The following NR2F6 variants were observed in gnomAD, a reference collection of about 807,000 sequenced individuals.
The protein encoded by NR2F6 is nuclear receptor subfamily 2 group F member 6.
In NR2F6, 16 loss-of-function variants were observed where a neutral mutation model predicts 26.5. The ratio of observed to expected loss-of-function variants is 0.60; its 90% CI spans 0.41 to 0.92. The LOEUF (loss-of-function observed/expected upper bound fraction) is 0.92, where lower values mean the gene tolerates loss of function less well. Ranked by LOEUF, NR2F6 falls within the 40% of genes least tolerant of loss-of-function variation. The pLI, the probability that NR2F6 is intolerant of heterozygous loss-of-function variation, is 0.00. For synonymous variants in NR2F6, 325 were observed against 305.0 expected (o/e 1.07, Z -0.68); for missense variants, 536 against 631.7 (o/e 0.85, Z 1.62).
chr19:17,241,367 C>T (rs2073468342), intron 1 of NR2F6, among the ~76,000 whole-genome samples: 1 of 152,184 alleles, frequency 6.6e-6, no homozygotes, highest in Admixed American at 6.5e-5. Flanking sequence ...CCCTGAAGGC[C>T]CCACACCTAC....
chr19:17,236,503 T>A (rs2073439652), intron 2 of NR2F6, among the ~76,000 whole-genome samples: 3 of 151,980 alleles, frequency 2.0e-5, no homozygotes, highest in Non-Finnish European at 4.4e-5. Context: ...CACCCCCAGC[T>A]CCTGGGGACA....
rs371438824 is a variant in NR2F6 at position 17,232,493 on chromosome 19, G to A, written c.1074C>T (p.Pro358=). Residue 358 remains proline, a synonymous_variant, in exon 4 of 4, where the codon CCC becomes CCT. Transcript: ENST00000291442. ...GGGAGGCAGGGACCGCGCGCAGGGC[G>A]GGGAGCCGCAGCAGCAGGCGCCCGA... ...QRFGRLLLRL[P]ALRAVPASLI... 69 of 1,612,090 alleles carry A rather than the reference G, an allele frequency of 4.3e-5. 1 individual carries two copies. In the African/African-American group the frequency reaches 4.7e-4, roughly 11 times the overall value.
Position 17,232,204 on chromosome 19 carries a change from GACAA to G in NR2F6, c.*144_*147del. ...TCATGATCATTTAAAAAACAGAAAA[GACAA>G]ACATTTCACAGTCTTTAAAAAATAG... On this transcript the variant is annotated 3_prime_UTR_variant, in exon 4 of 4. Transcript: ENST00000291442. The G allele has an allele frequency of 8.8e-7, 1 of 1,130,904 alleles. No individual in the cohort carries two copies. 70.1% of individuals were successfully genotyped at this position (1,130,904 alleles called of 1,614,324 possible).
Position 17,232,585 on chromosome 19 carries a change from G to A in NR2F6, c.982C>T (p.Gln328Ter). The A allele has an allele frequency of 6.4e-7, 1 of 1,571,894 alleles. No individual in the cohort carries two copies. ...GTGAGGGCCACCTGCGCCTTCTCCTGCAGGCTCTCAACGTGGGCCGGGTCT... is the reference window on the plus strand; with the variant it reads ...GTGAGGGCCACCTGCGCCTTCTCCTACAGGCTCTCAACGTGGGCCGGGTCT... The part of the protein sequence containing the change: ...LSDPAHVESL[Q>*]EKAQVALTEY... The change falls in exon 4 of 4, where the codon CAG becomes TAG. Residue 328 changes from glutamine (Q) to a stop codon, truncating the protein, a stop_gained. Coordinates refer to ENST00000291442, the MANE Select transcript of NR2F6 (RefSeq NM_005234.4). LOFTEE classifies it high-confidence loss of function.
chr19:17,245,137 G>C lies in NR2F6; in HGVS notation c.84C>G (p.Ala28=), dbSNP rs933381951. 4.8e-5 allele frequency: 69 copies of C among 1,443,690 alleles called. No homozygotes were observed. Among genetic ancestry groups the C allele is most frequent in the Non-Finnish European group, 6.2e-5 (68 of 1,103,886 alleles). 89.4% of individuals were successfully genotyped at this position (1,443,690 alleles called of 1,614,324 possible). A position where few individuals can be genotyped will look rare whatever the true frequency, so the allele number is the denominator to read the frequency against. The change falls in exon 1 of 4, where the codon GCC becomes GCG. Residue 28 remains alanine, a synonymous_variant. Coordinates refer to ENST00000291442, the MANE Select transcript of NR2F6 (RefSeq NM_005234.4). The surrounding 1 kb of genome is among the most constrained non-coding windows in gnomAD (Gnocchi z 5.0). ...CGGGGGGCGAGGCCGAGTCGTCCTC[G>C]GCCGCGCGCGGGTAGCCGCCCGCCT... is the stretch of plus-strand genomic sequence containing the variant. ...VDKAGGYPRA[A]EDDSASPPGA...
intron 2 of NR2F6, among the ~76,000 whole-genome samples, chr19:17,237,340 ACTTTTT>A (rs964602030): frequency 8.6e-5 from 13 of 151,578 alleles, no homozygotes; most frequent in Admixed American, 3.3e-4. Flanking sequence ...GGGCCTTTGA[ACTTTTT>A]CTTTTTCTTT....
chr19:17,236,812 T>A (rs1191057689), intron 2 of NR2F6, among the ~76,000 whole-genome samples: 1 of 152,124 alleles, frequency 6.6e-6, no homozygotes, highest in Non-Finnish European at 1.5e-5. Flanking sequence ...GGGGCTGCCA[T>A]AGGTCCTCAG....
At position 17,240,746 on chromosome 19, in the gene NR2F6, T is replaced by TCTGG; in HGVS notation, c.294_297dup (p.Ile100ProfsTer79). The TCTGG allele has an allele frequency of 6.2e-7, 1 of 1,614,062 alleles. No homozygotes were observed. Among genetic ancestry groups the TCTGG allele is most frequent in the Non-Finnish European group, 8.5e-7 (1 of 1,179,984 alleles). ...CACTGGTTCCGGTGGTGCTGGTCGA[T>TCTGG]CTGGCAGTCACGGTTGGACCTGGGG... On this transcript the variant is annotated frameshift_variant, in exon 2 of 4. Transcript: ENST00000291442. LOFTEE classifies it high-confidence loss of function.
At position 17,235,673 on chromosome 19, in the gene NR2F6, T is replaced by A; in HGVS notation, c.766A>T (p.Thr256Ser). The change falls in exon 3 of 4, where the codon ACG becomes TCG. Residue 256 changes from threonine (T) to serine (S), a missense_variant. Physicochemically the swap from Thr to Ser is moderately conservative, Grantham distance 58. Transcript: ENST00000291442. This position sits in a 1 kb window ranked among gnomAD's most constrained non-coding sequence, Gnocchi z 5.0. ...CCGGCGGCGGCCAGTAGCGGCGCCGTGTGCAGGGGCAGCGCCGCCTGCGCC... is the reference window on the plus strand; with the variant it reads ...CCGGCGGCGGCCAGTAGCGGCGCCGAGTGCAGGGGCAGCGCCGCCTGCGCC... ...NAAQAALPLH[T>S]APLLAAAGLH... is the part of the protein sequence containing the mutation. 6.6e-7 allele frequency: 1 copy of A among 1,509,522 alleles called. No homozygotes were observed. Among genetic ancestry groups the A allele is most frequent in the Non-Finnish European group, 8.8e-7 (1 of 1,138,012 alleles). 93.5% of individuals were successfully genotyped at this position (1,509,522 alleles called of 1,614,324 possible).
Position 17,245,434 on chromosome 19 carries a change from G to T in NR2F6, c.-214C>A. ...CGGTTCCAGGCCAACTTTCCCACGC[G>T]TGCGCGGGGCCGGGCCCGGGGCCGG... On this transcript the variant is annotated 5_prime_UTR_variant, in exon 1 of 4. Transcript: ENST00000291442. This position sits in a 1 kb window ranked among gnomAD's most constrained non-coding sequence, Gnocchi z 5.0. 1 of 296,614 alleles carries T rather than the reference G, an allele frequency of 3.4e-6. No individual in the cohort carries two copies. The highest frequency in any genetic ancestry group is 5.8e-6 in the Non-Finnish European group (1 of 171,338). 18.4% of individuals were successfully genotyped at this position (296,614 alleles called of 1,614,324 possible). A position where few individuals can be genotyped will look rare whatever the true frequency, so the allele number is the denominator to read the frequency against.
rs1306457910 is a variant in NR2F6, at chr19:17,245,038, G to A, written c.183C>T (p.Asp61=). The part of the protein sequence containing the change: ...GLQVDCVVCG[D]KSSGKHYGVF... The stretch of plus-strand genomic sequence containing the variant: ...CACCGTAATGCTTGCCGCTCGACTT[G>A]TCCCCGCACACCACGCAGTCCACCT... The change falls in exon 1 of 4, where the codon GAC becomes GAT. Residue 61 remains aspartate, a synonymous_variant. Coordinates refer to ENST00000291442, the MANE Select transcript of NR2F6 (RefSeq NM_005234.4). This position sits in a 1 kb window ranked among gnomAD's most constrained non-coding sequence, Gnocchi z 5.0. 1 of 1,603,180 alleles carries A rather than the reference G, an allele frequency of 6.2e-7. No homozygotes were observed. The highest frequency in any genetic ancestry group is 1.1e-5 in the South Asian group (1 of 89,238).
rs778590836 is a variant in NR2F6, at chr19:17,245,105, G to A, written c.116C>T (p.Ala39Val). Residue 39 changes from alanine (A) to valine (V), a missense_variant, in exon 1 of 4, where the codon GCC (alanine) becomes GTC (valine). Physicochemically the swap from Ala to Val is moderately conservative, Grantham distance 64. Transcript: ENST00000291442. This position sits in a 1 kb window ranked among gnomAD's most constrained non-coding sequence, Gnocchi z 5.0. Reference sequence around the variant, plus strand: ...CTCGTCGCCCGGCTCGGCGTCGCTGGCGGCACCGGGGGGCGAGGCCGAGTC... The same window carrying A: ...CTCGTCGCCCGGCTCGGCGTCGCTGACGGCACCGGGGGGCGAGGCCGAGTC... ...EDDSASPPGAASDAEPGDEER... is the reference protein window; with the variant it reads ...EDDSASPPGAVSDAEPGDEER... 131 of 1,559,182 alleles carry A rather than the reference G, an allele frequency of 8.4e-5. No individual in the cohort carries two copies. Among genetic ancestry groups the A allele is most frequent in the Non-Finnish European group, 1.1e-4 (131 of 1,155,084 alleles).
In NR2F6 at chr19:17,239,655, GA is replaced by G. The variant is rs772505161; in HGVS notation, c.373+1015del. Reference sequence around the variant, plus strand: ...GGCGACAGAGCAAGACTCAGTCTCAGAAAAAAAAAAAAAATTAGCTGGGCGT... The same window carrying G: ...GGCGACAGAGCAAGACTCAGTCTCAGAAAAAAAAAAAAATTAGCTGGGCGT... On this transcript the variant is annotated intron_variant, in intron 2 of 3. Transcript: ENST00000291442. Among the ~76,000 whole-genome samples the G allele has an allele frequency of 5.6e-3, 707 of 127,174 alleles. 8 individuals are homozygous for G. The highest frequency in any genetic ancestry group is 0.017 in the African/African-American group (580 of 34,326). 83.4% of individuals were successfully genotyped at this position (127,174 alleles called of 152,430 possible).
chr19:17,236,804 G>A (rs1021150636), intron 2 of NR2F6, among the ~76,000 whole-genome samples: 3 of 152,230 alleles, frequency 2.0e-5, no homozygotes, highest in African/African-American at 4.8e-5. Flanking sequence ...GTCCCAGGGG[G>A]GCTGCCATAG....
In NR2F6 at chr19:17,245,234, C is replaced by T; in HGVS notation, c.-14G>A. On this transcript the variant is annotated 5_prime_UTR_variant, in exon 1 of 4. Transcript: ENST00000291442. This position sits in a 1 kb window ranked among gnomAD's most constrained non-coding sequence, Gnocchi z 5.0. ...CACCATGGCCATAGCCCCAGGGCAG[C>T]GGGGCCGGGGCGCCCCCACCGCGCT... 1.6e-6 allele frequency: 2 copies of T among 1,250,166 alleles called. No homozygotes were observed. The highest frequency in any genetic ancestry group is 2.0e-6 in the Non-Finnish European group (2 of 1,000,698). The allele number at this position is 1,250,166 out of a possible 1,614,324, so 77.4% of individuals were successfully genotyped here. A position where few individuals can be genotyped will look rare whatever the true frequency, so the allele number is the denominator to read the frequency against.
At chr19:17,240,071 A>T (rs1423462162) in intron 2 of NR2F6, among the ~76,000 whole-genome samples, 1 of 152,070 alleles carries the variant, frequency 6.6e-6, no homozygotes, top group Non-Finnish European at 1.5e-5. Flanking sequence ...AGCAGCCCAG[A>T]ATACGCCCGT....
chr19:17,240,976 T>C (rs2073466281), intron 1 of NR2F6, among the ~76,000 whole-genome samples: 1 of 152,122 alleles, frequency 6.6e-6, no homozygotes, highest in Admixed American at 6.5e-5. Context: ...TGAAGAGGAA[T>C]CTGTGGAAAA....
intron 2 of NR2F6, among the ~76,000 whole-genome samples, chr19:17,239,351 C>T (rs973456217): frequency 2.1e-5 from 3 of 146,208 alleles, no homozygotes; most frequent in African/African-American, 7.6e-5. Flanking sequence ...CAAAACAAAA[C>T]AAAATACAAA....
At chr19:17,238,145 C>T (rs1183410186) in intron 2 of NR2F6, among the ~76,000 whole-genome samples, 1 of 152,112 alleles carries the variant, frequency 6.6e-6, no homozygotes, top group Non-Finnish European at 1.5e-5. Context: ...AACGATGTCA[C>T]CAATCACTGA....
Sources: allele counts gnomAD v4.1 joint callset (sites outside exome capture counted in the v4.1 genomes callset), GRCh38; gene constraint gnomAD v4.1.1; non-coding constraint Gnocchi (gnomAD v3.1); transcripts MANE v1.5; gene names NCBI Gene and HGNC (gene_info 2026-07-23, HGNC 2026-07-21).